The following ENAH variants were observed in gnomAD, a reference collection of about 807,000 sequenced individuals.
ENAH encodes the protein protein enabled homolog.
A neutral mutation model predicts 78.7 loss-of-function variants in ENAH; 23 were observed. That is an observed-to-expected ratio of 0.29 (90% confidence interval 0.21 to 0.41). The LOEUF is 0.41. Among genes scored for constraint, ENAH ranks in the 10% least tolerant of loss-of-function variants. The pLI is 1.00. For missense variants in ENAH, 544 were observed against 691.0 expected (o/e 0.79, Z 2.39); for synonymous variants, 226 against 241.0 (o/e 0.94, Z 0.58).
At chr1:225,611,283 G>A (rs1344790084) in intron 1 of ENAH, among the ~76,000 whole-genome samples, 4 of 151,726 alleles carry the variant, frequency 2.6e-5, no homozygotes, top group Non-Finnish European at 4.4e-5. Context: ...GGGCAACCTT[G>A]TCTCTACCAA....
chr1:225,637,719 A>G (rs1660316757), intron 1 of ENAH, among the ~76,000 whole-genome samples: 1 of 151,658 alleles, frequency 6.6e-6, no homozygotes, highest in Non-Finnish European at 1.5e-5. Context: ...TTAACTGGCT[A>G]TTTGCTTTCA....
intron 1 of ENAH, among the ~76,000 whole-genome samples, chr1:225,611,303 T>A (rs986763874): frequency 2.8e-4 from 42 of 151,634 alleles, no homozygotes; most frequent in Non-Finnish European, 4.4e-4. Context: ...AAAAAAAAAA[T>A]TTATTTATTT....
chr1:225,530,700 T>C (rs1228930054), intron 3 of ENAH, 62 bp from the exon 4 acceptor site: 1 of 1,261,274 alleles, frequency 7.9e-7, no homozygotes, highest in Non-Finnish European at 1.2e-6. Context: ...ACAGAGGAGA[T>C]AAAATCATGA....
rs2096251405 is a variant in ENAH at position 225,496,722 on chromosome 1, T to C, written c.*1053A>G. On this transcript the variant is annotated 3_prime_UTR_variant, in exon 14 of 14. Transcript: ENST00000366843. ...ATTTACCAATTAAAGTCACAAAATA[T>C]TTCTCATTATTTATTCATGCAGGTA... The C allele has an allele frequency of 6.6e-6, 1 of 152,668 alleles. No homozygotes were observed. The highest frequency in any genetic ancestry group is 2.4e-5 in the African/African-American group (1 of 41,468). The allele number at this position is 152,668 out of a possible 1,614,324, so 9.5% of individuals were successfully genotyped here.
chr1:225,529,420 C>T (rs2096526836), intron 4 of ENAH, among the ~76,000 whole-genome samples: 1 of 152,102 alleles, frequency 6.6e-6, no homozygotes. Flanking sequence ...TCTATTTAAA[C>T]TCACAAGTAC....
chr1:225,553,526 G>C (rs1214022885), intron 3 of ENAH, among the ~76,000 whole-genome samples: 1 of 150,694 alleles, frequency 6.6e-6, no homozygotes, highest in African/African-American at 2.4e-5. Flanking sequence ...CCAAACTTTG[G>C]TACCTTAATT....
rs147759778 is a variant in ENAH at position 225,500,241 on chromosome 1, T to C, written c.1617+751A>G. ...TTATCTAAAAAATGTACTTCACCTC[T>C]TCTGTGAATAAGGTATTTTAAATCA... is the stretch of plus-strand genomic sequence containing the variant. On this transcript the variant is annotated intron_variant, in intron 12 of 13. Transcript: ENST00000366843. 1.2e-3 allele frequency among the ~76,000 whole-genome samples: 181 copies of C among 152,366 alleles called. 1 individual carries two copies. The highest frequency in any genetic ancestry group is 4.0e-3 in the African/African-American group (167 of 41,588).
intron 4 of ENAH, among the ~76,000 whole-genome samples, chr1:225,526,903 G>A (rs1441857716): frequency 1.3e-5 from 2 of 152,228 alleles, no homozygotes; most frequent in East Asian, 1.9e-4. Context: ...ATCCTTGGCT[G>A]TCTGTTCATA....
At chr1:225,621,092 G>A (rs942430053) in intron 1 of ENAH, among the ~76,000 whole-genome samples, 2 of 152,122 alleles carry the variant, frequency 1.3e-5, no homozygotes, top group African/African-American at 2.4e-5. Context: ...TTGATAAAAT[G>A]TGTCCCGAAT....
chr1:225,501,332 AGTATTCTTTGG>A (rs1384633317), intron 11 of ENAH: 2 of 371,316 alleles, frequency 5.4e-6, no homozygotes, highest in Non-Finnish European at 9.6e-6. Context: ...AGTAGAAGAC[AGTATTCTTTGG>A]GCATGAGGTA....
chr1:225,535,049 T>C (rs781201827), intron 3 of ENAH, among the ~76,000 whole-genome samples: 1 of 152,204 alleles, frequency 6.6e-6, no homozygotes, highest in Non-Finnish European at 1.5e-5. Context: ...AAGCAAGTAA[T>C]AGCTTACATC....
chr1:225,570,063 G>C (rs970925393), intron 1 of ENAH, among the ~76,000 whole-genome samples: 29 of 151,814 alleles, frequency 1.9e-4, no homozygotes, highest in African/African-American at 6.3e-4. Flanking sequence ...AAAATTAGCT[G>C]GGTGTGGTGG....
intron 3 of ENAH, among the ~76,000 whole-genome samples, chr1:225,534,921 CAT>C (rs746894198): frequency 3.9e-5 from 6 of 152,058 alleles, no homozygotes; most frequent in Non-Finnish European, 7.4e-5. Context: ...TATGTGCACA[CAT>C]GTGTATATGA....
chr1:225,646,630 T>C (rs1662008603), intron 1 of ENAH, among the ~76,000 whole-genome samples: 1 of 150,010 alleles, frequency 6.7e-6, no homozygotes, highest in African/African-American at 2.5e-5. Context: ...AACTAAAAAA[T>C]ACAAAAAAAT....
At chr1:225,569,442 T>G (rs937813775) in intron 1 of ENAH, among the ~76,000 whole-genome samples, 1 of 152,210 alleles carries the variant, frequency 6.6e-6, no homozygotes, top group Non-Finnish European at 1.5e-5. Flanking sequence ...ACCTGCACGT[T>G]GTGCACATGT....
intron 7 of ENAH, among the ~76,000 whole-genome samples, chr1:225,514,213 C>A (rs912964807): frequency 4.6e-5 from 7 of 152,078 alleles, no homozygotes; most frequent in Non-Finnish European, 8.8e-5. Flanking sequence ...GTCACCCAGG[C>A]TAGAGCGCAG....
chr1:225,590,141 T>C (rs1487270751), intron 1 of ENAH, among the ~76,000 whole-genome samples: 1 of 141,974 alleles, frequency 7.0e-6, no homozygotes, highest in Non-Finnish European at 1.5e-5. Flanking sequence ...AGCACCAAGG[T>C]TTAAACACAG....
intron 1 of ENAH, among the ~76,000 whole-genome samples, chr1:225,606,756 T>G (rs1375122609): frequency 7.5e-6 from 1 of 133,332 alleles, no homozygotes; most frequent in African/African-American, 2.9e-5. Flanking sequence ...GGTAGGAGAA[T>G]CCCTTGAACC....
intron 3 of ENAH, chr1:225,535,485 A>G (rs759494301): frequency 1.8e-5 from 23 of 1,296,480 alleles, no homozygotes; most frequent in Non-Finnish European, 2.2e-5. Context: ...TGAAAAAGTA[A>G]TGTAAACATA....
Sources: allele counts gnomAD v4.1 joint callset (sites outside exome capture counted in the v4.1 genomes callset), GRCh38; gene constraint gnomAD v4.1.1; transcripts MANE v1.5; gene names NCBI Gene and HGNC (gene_info 2026-07-23, HGNC 2026-07-21).